LRMDA: variants seen among roughly 807,000 people sequenced by gnomAD.
The protein encoded by LRMDA is leucine rich melanocyte differentiation associated, also known as leucine-rich melanocyte differentiation-associated protein.
Under a neutral mutation model 29.8 loss-of-function variants are expected in LRMDA, and 18 were observed. The observed-to-expected ratio is 0.60, with a 90% CI of 0.42 to 0.90. The LOEUF (loss-of-function observed/expected upper bound fraction) is 0.90, where lower values mean the gene tolerates loss of function less well. Ranked by LOEUF, LRMDA falls within the 40% of genes least tolerant of loss-of-function variation. The probability of loss-of-function intolerance (pLI) is 0.00; values close to 1 mark genes in which losing one functional copy is unlikely to be tolerated. For missense variants in LRMDA, 273 were observed against 273.9 expected, an observed-to-expected ratio of 1.00 and a Z score of 0.02; for synonymous variants, 125 against 109.4, an observed-to-expected ratio of 1.14 and a Z score of -0.89.
At chr10:75,433,321 T>C (rs1219397539) in intron 1 of LRMDA, among the ~76,000 whole-genome samples, 1 of 152,200 alleles carries the variant, frequency 6.6e-6, no homozygotes, top group East Asian at 1.9e-4. Flanking sequence ...TAGATTCGAT[T>C]TTTCCTGCAG....
intron 2 of LRMDA, among the ~76,000 whole-genome samples, chr10:75,894,572 C>T (rs1292234438): frequency 6.6e-6 from 1 of 152,198 alleles, no homozygotes; most frequent in Non-Finnish European, 1.5e-5. Context: ...AGTAGATCTA[C>T]CCCCAGTGAT....
chr10:76,020,782 G>A (rs563985865), intron 2 of LRMDA, among the ~76,000 whole-genome samples: 2 of 152,332 alleles, frequency 1.3e-5, no homozygotes, highest in East Asian at 3.9e-4. Context: ...GAAAAGAATA[G>A]AATATAGACT....
chr10:75,499,856 TC>T (rs1845092485), intron 2 of LRMDA, among the ~76,000 whole-genome samples: 1 of 152,100 alleles, frequency 6.6e-6, no homozygotes, highest in South Asian at 2.1e-4. Context: ...GGAGACCAGA[TC>T]CCCAGGTTTG....
intron 6 of LRMDA, among the ~76,000 whole-genome samples, chr10:76,332,992 C>G (rs1250489188): frequency 1.3e-5 from 2 of 152,146 alleles, no homozygotes; most frequent in Admixed American, 6.5e-5. Context: ...TGCAAATGCT[C>G]TCAACGTTTA....
chr10:75,708,716 G>A (rs1842400427), intron 2 of LRMDA, among the ~76,000 whole-genome samples: 1 of 152,150 alleles, frequency 6.6e-6, no homozygotes, highest in Admixed American at 6.5e-5. Context: ...CCAGGGCCTT[G>A]ATGGAGCTTG....
chr10:75,838,805 G>A (rs1014038653), intron 2 of LRMDA, among the ~76,000 whole-genome samples: 1 of 152,226 alleles, frequency 6.6e-6, no homozygotes, highest in Non-Finnish European at 1.5e-5. Flanking sequence ...TTGGTTTAAA[G>A]TCCTGCCCAG....
At chr10:75,966,383 G>A (rs925929347) in intron 2 of LRMDA, among the ~76,000 whole-genome samples, 1 of 152,096 alleles carries the variant, frequency 6.6e-6, no homozygotes, top group Non-Finnish European at 1.5e-5. Context: ...TGATTTTGAG[G>A]ATTCAACGAA....
In LRMDA at chr10:76,300,825, A is replaced by T. The variant is rs1448958015; in HGVS notation, c.517-23576A>T. 3.3e-5 allele frequency among the ~76,000 whole-genome samples: 5 copies of T among 152,314 alleles called. No homozygotes were observed. In the East Asian group the frequency reaches 9.7e-4, roughly 29 times the overall value. ...TATAGAATCAGAATGGAATTCTGTG[A>T]TGGAATCCAGGCACTTGGTTTCCCC... On this transcript the variant is annotated intron_variant, in intron 5 of 6. Coordinates refer to ENST00000611255, the MANE Select transcript of LRMDA (RefSeq NM_001305581.2).
chr10:76,330,202 C>T (rs764801433), intron 6 of LRMDA, among the ~76,000 whole-genome samples: 2 of 151,994 alleles, frequency 1.3e-5, no homozygotes, highest in Non-Finnish European at 2.9e-5. Flanking sequence ...GGTCACAGCC[C>T]ATAACAAAAG....
chr10:76,433,284 C>G (rs1409723379), intron 6 of LRMDA, among the ~76,000 whole-genome samples: 3 of 152,136 alleles, frequency 2.0e-5, no homozygotes. Flanking sequence ...TGTTTTCTGT[C>G]ACTGTGTCAT....
chr10:76,246,324 A>G (rs993104687), intron 5 of LRMDA, among the ~76,000 whole-genome samples: 4 of 152,230 alleles, frequency 2.6e-5, no homozygotes, highest in African/African-American at 4.8e-5. Context: ...TGGTCATATC[A>G]GAGATCAGGT....
intron 2 of LRMDA, among the ~76,000 whole-genome samples, chr10:76,023,600 G>C (rs147987814): frequency 6.6e-6 from 1 of 152,312 alleles, no homozygotes; most frequent in Non-Finnish European, 1.5e-5. Flanking sequence ...AAATAATCTA[G>C]CCTAGCCGCC....
chr10:75,917,159 T>A (rs1174305870), intron 2 of LRMDA, among the ~76,000 whole-genome samples: 4 of 152,192 alleles, frequency 2.6e-5, no homozygotes, highest in African/African-American at 9.6e-5. Flanking sequence ...GTGCAGGCCA[T>A]CAATGGGCAA....
intron 6 of LRMDA, among the ~76,000 whole-genome samples, chr10:76,457,790 G>A (rs528316961): frequency 6.9e-4 from 104 of 151,112 alleles, no homozygotes; most frequent in African/African-American, 2.5e-3. Context: ...AGGCTTTCAG[G>A]AACCTAACTC....
At chr10:75,896,221 C>G (rs1845579038) in intron 2 of LRMDA, among the ~76,000 whole-genome samples, 1 of 152,138 alleles carries the variant, frequency 6.6e-6, no homozygotes, top group African/African-American at 2.4e-5. Flanking sequence ...AACACAAACT[C>G]AAGAGCTTCT....
chr10:76,501,917 C>G (rs945626298), intron 6 of LRMDA, among the ~76,000 whole-genome samples: 1 of 151,720 alleles, frequency 6.6e-6, no homozygotes, highest in Non-Finnish European at 1.5e-5. Flanking sequence ...GGGGATTTAG[C>G]CCAAAATTCT....
intron 2 of LRMDA, among the ~76,000 whole-genome samples, chr10:75,921,172 T>C (rs1458517276): frequency 6.6e-6 from 1 of 152,226 alleles, no homozygotes; most frequent in Admixed American, 6.5e-5. Context: ...TGTACTATTT[T>C]AGGTCCAATC....
intron 2 of LRMDA, among the ~76,000 whole-genome samples, chr10:75,661,265 A>T (rs1378201935): frequency 6.6e-6 from 1 of 152,170 alleles, no homozygotes; most frequent in South Asian, 2.1e-4. Context: ...ACAGACCTGC[A>T]CGCCTCGACT....
intron 5 of LRMDA, among the ~76,000 whole-genome samples, chr10:76,304,833 C>G (rs1840531196): frequency 6.6e-6 from 1 of 152,142 alleles, no homozygotes; most frequent in African/African-American, 2.4e-5. Flanking sequence ...CAAAGATCTC[C>G]AGCAGGATGG....
Sources: gnomAD v4.1 joint callset for allele counts (sites outside exome capture counted in the v4.1 genomes callset) on GRCh38, gnomAD v4.1.1 for gene constraint, MANE v1.5 for transcripts, NCBI Gene and HGNC (gene_info 2026-07-23, HGNC 2026-07-21) for gene names.